RCBTB1: variants seen among roughly 807,000 people sequenced by gnomAD.
RCBTB1 encodes RCC1 and BTB domain containing protein 1.
Under a neutral mutation model 62.4 loss-of-function variants are expected in RCBTB1, and 46 were observed. That is an observed-to-expected ratio of 0.74 (90% confidence interval 0.58 to 0.94). The LOEUF (loss-of-function observed/expected upper bound fraction) is 0.94. Among genes scored for constraint, RCBTB1 ranks in the 40% least tolerant of loss-of-function variants. RCBTB1 has a pLI of 0.00. For missense variants in RCBTB1, 565 were observed against 654.9 expected, an observed-to-expected ratio of 0.86 and a Z score of 1.50; for synonymous variants, 222 against 245.8, an observed-to-expected ratio of 0.90 and a Z score of 0.91.
intron 12 of RCBTB1, among the ~76,000 whole-genome samples, chr13:49,539,026 C>T (rs577700599): frequency 9.2e-5 from 14 of 152,032 alleles, no homozygotes; most frequent in African/African-American, 2.4e-4. Flanking sequence ...CGCACCACCA[C>T]ACCCAGCTAA....
chr13:49,545,021 A>AG (rs1340712497), intron 9 of RCBTB1, among the ~76,000 whole-genome samples, 158 bp from the exon 10 acceptor site: 4 of 152,140 alleles, frequency 2.6e-5, no homozygotes, highest in African/African-American at 7.2e-5. Flanking sequence ...ACGGTATTAA[A>AG]GTAAGTATCC....
intron 1 of RCBTB1, among the ~76,000 whole-genome samples, chr13:49,582,662 C>T (rs778105429): frequency 6.6e-6 from 1 of 152,190 alleles, no homozygotes; most frequent in Non-Finnish European, 1.5e-5. Flanking sequence ...TCTCTCTCCC[C>T]GCTGAGTCTC....
At chr13:49,539,710 A>C (rs1485471554) in intron 12 of RCBTB1, among the ~76,000 whole-genome samples, 2 of 152,248 alleles carry the variant, frequency 1.3e-5, no homozygotes, top group Admixed American at 1.3e-4. Context: ...CAGGAAGGAC[A>C]GGAAAAAAAT....
intron 4 of RCBTB1, among the ~76,000 whole-genome samples, chr13:49,565,968 A>G (rs1962962258): frequency 6.6e-6 from 1 of 150,668 alleles, no homozygotes; most frequent in Admixed American, 6.6e-5. Context: ...CTTACCCCCA[A>G]CCTGGTGCTC....
chr13:49,567,459 T>C (rs1963102698), intron 2 of RCBTB1, 139 bp from the exon 3 acceptor site: 3 of 619,856 alleles, frequency 4.8e-6, no homozygotes, highest in Non-Finnish European at 8.2e-6. Flanking sequence ...ATCACTCACT[T>C]TCCCCCAGCC....
At chr13:49,568,135 T>C (rs1231575657) in intron 2 of RCBTB1, among the ~76,000 whole-genome samples, 1 of 152,226 alleles carries the variant, frequency 6.6e-6, no homozygotes, top group African/African-American at 2.4e-5. Context: ...GGTGTATGTG[T>C]ATCTTTAAAA....
chr13:49,540,748 A>G (rs1045355805), intron 12 of RCBTB1, 128 bp downstream of exon 12: 8 of 984,256 alleles, frequency 8.1e-6, no homozygotes, highest in South Asian at 5.8e-5. Flanking sequence ...TCAGTTTTCA[A>G]TGGGTTCACT....
At chr13:49,542,659 G>A (rs1208957180) in intron 10 of RCBTB1, among the ~76,000 whole-genome samples, 4 of 150,648 alleles carry the variant, frequency 2.7e-5, no homozygotes, top group East Asian at 1.9e-4. Flanking sequence ...CTGATTATCC[G>A]ACAATTTTTC....
rs144034572 is a variant in RCBTB1, at chr13:49,559,378, T to C, written c.444+540A>G. On this transcript the variant is annotated intron_variant, in intron 5 of 12. Transcript: ENST00000378302. The stretch of plus-strand genomic sequence containing the variant: ...AGAAACAGAGTAGAAAGTTGTTGGC[T>C]GGGCACGGTGGCTCACGCCTGTAAT... Among the ~76,000 whole-genome samples the C allele has an allele frequency of 4.5e-3, 678 of 152,268 alleles. 5 individuals carry two copies. Among genetic ancestry groups the C allele is most frequent in the African/African-American group, 0.013 (556 of 41,542 alleles).
At chr13:49,555,706 T>G in intron 5 of RCBTB1, 33 bp from the exon 6 acceptor site, 6 of 1,485,698 alleles carry the variant, frequency 4.0e-6, no homozygotes, top group Non-Finnish European at 5.4e-6. Context: ...AAGGAAAGAA[T>G]AGTCAGGGTG....
At position 49,533,354 on chromosome 13, in the gene RCBTB1, TG is replaced by T. The variant is rs1959695708; in HGVS notation, c.*767del. The T allele has an allele frequency of 6.6e-6, 1 of 152,222 alleles. No individual in the cohort carries two copies. Among genetic ancestry groups the T allele is most frequent in the Non-Finnish European group, 1.5e-5 (1 of 68,040 alleles). The allele number at this position is 152,222 out of a possible 1,614,324, so 9.4% of individuals were successfully genotyped here. The stretch of plus-strand genomic sequence containing the variant: ...CTACCTTAATGAAATAAAACACCAT[TG>T]GATAAGTAGTGGAGATTCTAATTTA... On this transcript the variant is annotated 3_prime_UTR_variant, in exon 13 of 13. Coordinates refer to ENST00000378302, the MANE Select transcript of RCBTB1 (RefSeq NM_018191.4).
chr13:49,566,112 C>CACAA (rs1196749406), intron 4 of RCBTB1, among the ~76,000 whole-genome samples: 1 of 150,552 alleles, frequency 6.6e-6, no homozygotes, highest in Non-Finnish European at 1.5e-5. Flanking sequence ...TACCCAGGGA[C>CACAA]ACAAACACTG....
intron 12 of RCBTB1, among the ~76,000 whole-genome samples, chr13:49,539,017 G>A (rs9535260): frequency 0.015 from 2,249 of 151,464 alleles, 27 homozygotes; most frequent in Non-Finnish European, 0.025. Context: ...TTACAGGTAC[G>A]CACCACCACA....
At chr13:49,576,933 G>A (rs1263407508) in intron 2 of RCBTB1, among the ~76,000 whole-genome samples, 3 of 151,976 alleles carry the variant, frequency 2.0e-5, no homozygotes, top group Admixed American at 1.3e-4. Context: ...AGAGTGTAAC[G>A]TCCTTAAAGA....
chr13:49,545,165 T>TA (rs1271320730), intron 9 of RCBTB1, among the ~76,000 whole-genome samples: 1 of 152,164 alleles, frequency 6.6e-6, no homozygotes, highest in Non-Finnish European at 1.5e-5. Context: ...CATGATAATA[T>TA]AATAACCCCC....
At position 49,552,271 on chromosome 13, in the gene RCBTB1, A is replaced by G; in HGVS notation, c.618T>C (p.Gly206=). The G allele has an allele frequency of 3.1e-6, 5 of 1,600,422 alleles. No homozygotes were observed. Among genetic ancestry groups the G allele is most frequent in the Non-Finnish European group, 4.3e-6 (5 of 1,172,464 alleles). The change falls in exon 7 of 13, where the codon GGT becomes GGC. Residue 206 remains glycine (G), a synonymous_variant. Coordinates refer to ENST00000378302, the MANE Select transcript of RCBTB1 (RefSeq NM_018191.4). ...VLDNGEVYGW[G]YNGNGQLGLG... ...GGCCCAGCTGACCGTTGCCATTGTA[A>G]CCCCAGCCATATACCTTAGAGAGGA... is the stretch of plus-strand genomic sequence containing the variant.
intron 2 of RCBTB1, among the ~76,000 whole-genome samples, chr13:49,580,267 C>A (rs1964024619): frequency 6.6e-6 from 1 of 152,084 alleles, no homozygotes; most frequent in Non-Finnish European, 1.5e-5. Flanking sequence ...AACAAAAAAA[C>A]CAATGATGGG....
chr13:49,560,089 G>A lies in RCBTB1; in HGVS notation c.278-5C>T. The stretch of plus-strand genomic sequence containing the variant: ...CCCAGGCATAAACCACTCCATCTGT[G>A]CACACAAAGCACACAAAAAATCAGC... On this transcript the variant is annotated splice_polypyrimidine_tract_variant and splice_region_variant and intron_variant, in intron 4 of 12. Coordinates refer to ENST00000378302, the MANE Select transcript of RCBTB1 (RefSeq NM_018191.4). The A allele has an allele frequency of 6.2e-7, 1 of 1,605,604 alleles. No individual in the cohort carries two copies. Among genetic ancestry groups the A allele is most frequent in the Non-Finnish European group, 8.5e-7 (1 of 1,177,216 alleles).
At chr13:49,548,077 C>T (rs188765488) in intron 9 of RCBTB1, among the ~76,000 whole-genome samples, 1 of 152,230 alleles carries the variant, frequency 6.6e-6, no homozygotes, top group Non-Finnish European at 1.5e-5. Flanking sequence ...CCACACCCAG[C>T]CGGTTCTTCA....
Sources: allele counts gnomAD v4.1 joint callset (sites outside exome capture counted in the v4.1 genomes callset), GRCh38; gene constraint gnomAD v4.1.1; transcripts MANE v1.5; gene names NCBI Gene and HGNC (gene_info 2026-07-23, HGNC 2026-07-21).